DAB1: variants seen among roughly 807,000 people sequenced by gnomAD.
The protein encoded by DAB1 is disabled homolog 1.
Under a neutral mutation model 64.6 loss-of-function variants are expected in DAB1, and 15 were observed. The observed-to-expected ratio is 0.23, with a 90% CI of 0.16 to 0.36. DAB1 has a LOEUF of 0.36. DAB1 is among the 10% of genes least tolerant of loss of function. The probability of loss-of-function intolerance (pLI) is 1.00; values close to 1 mark genes in which losing one functional copy is unlikely to be tolerated. For missense variants in DAB1, 596 were observed against 706.7 expected (o/e 0.84, Z 1.78); for synonymous variants, 235 against 251.9 (o/e 0.93, Z 0.64).
chr1:58,185,558 T>G (rs6699934), intron 4 of DAB1, among the ~76,000 whole-genome samples: 2,209 of 152,038 alleles, frequency 0.015, 54 homozygotes, highest in South Asian at 0.099. Context: ...CCATAGGTTT[T>G]GTTTTGTTTT....
intron 7 of DAB1, among the ~76,000 whole-genome samples, chr1:57,455,838 G>A (rs999506335): frequency 8.5e-5 from 13 of 152,126 alleles, no homozygotes; most frequent in Non-Finnish European, 2.9e-5. Flanking sequence ...AGAGTTGGAA[G>A]AAAACTTGGG....
At chr1:57,724,376 GAAGA>G (rs1444058547) in intron 6 of DAB1, among the ~76,000 whole-genome samples, 1 of 151,798 alleles carries the variant, frequency 6.6e-6, no homozygotes, top group Non-Finnish European at 1.5e-5. Context: ...AGGGAGGCAA[GAAGA>G]AAGGGACAGA....
chr1:57,846,808 C>T (rs1364371082), intron 1 of DAB1, among the ~76,000 whole-genome samples: 3 of 152,218 alleles, frequency 2.0e-5, no homozygotes, highest in South Asian at 4.1e-4. Context: ...AACACATACA[C>T]GTGCACGTGC....
chr1:57,479,473 A>G (rs1643983883), intron 7 of DAB1, among the ~76,000 whole-genome samples: 1 of 149,944 alleles, frequency 6.7e-6, no homozygotes, highest in East Asian at 1.9e-4. Flanking sequence ...ATAAAAATAT[A>G]TAAAACTCTG....
intron 2 of DAB1, among the ~76,000 whole-genome samples, chr1:57,202,299 G>A (rs1251781599): frequency 6.6e-6 from 1 of 152,076 alleles, no homozygotes; most frequent in African/African-American, 2.4e-5. Flanking sequence ...AATACAAGGG[G>A]GTCAGGCTGG....
chr1:57,764,118 G>A (rs1649205601), intron 6 of DAB1, among the ~76,000 whole-genome samples: 1 of 152,116 alleles, frequency 6.6e-6, no homozygotes, highest in South Asian at 2.1e-4. Flanking sequence ...CCAGCCATGG[G>A]TGCCTGAGAC....
At chr1:57,736,444 T>A (rs999553016) in intron 6 of DAB1, among the ~76,000 whole-genome samples, 2 of 152,210 alleles carry the variant, frequency 1.3e-5, no homozygotes, top group African/African-American at 4.8e-5. Flanking sequence ...AATCGCAGCA[T>A]ATGAGAGGAA....
At chr1:57,901,205 A>G (rs1272805054) in intron 5 of DAB1, among the ~76,000 whole-genome samples, 4 of 152,022 alleles carry the variant, frequency 2.6e-5, no homozygotes, top group Non-Finnish European at 4.4e-5. Context: ...TGCTTTTTAC[A>G]TTCTCTTTAT....
At chr1:57,432,255 T>A (rs528322021) in intron 7 of DAB1, among the ~76,000 whole-genome samples, 1 of 152,222 alleles carries the variant, frequency 6.6e-6, no homozygotes, top group Non-Finnish European at 1.5e-5. Context: ...ATATGTGTTG[T>A]CTGCCTCTCT....
At chr1:57,226,670 AAAATATATATAT>A (rs1174418706) in intron 2 of DAB1, among the ~76,000 whole-genome samples, 3 of 119,504 alleles carry the variant, frequency 2.5e-5, no homozygotes, top group African/African-American at 1.2e-4. Context: ...GGTTAAAAAA[AAAATATATATAT>A]ATATATATAT....
chr1:57,549,321 A>T, intron 7 of DAB1, among the ~76,000 whole-genome samples: 1 of 152,260 alleles, frequency 6.6e-6, no homozygotes, highest in Non-Finnish European at 1.5e-5. Context: ...TCTGACACAT[A>T]GTAGGTTTAC....
intron 7 of DAB1, among the ~76,000 whole-genome samples, chr1:57,580,723 C>T (rs142446776): frequency 2.2e-4 from 34 of 152,290 alleles, no homozygotes; most frequent in African/African-American, 7.5e-4. Flanking sequence ...CTACTCGTCA[C>T]GGAGCAACAA....
intron 5 of DAB1, among the ~76,000 whole-genome samples, chr1:57,963,107 C>A (rs1857371): frequency 0.42 from 63,557 of 151,918 alleles, 14,113 homozygotes; most frequent in East Asian, 0.78. Flanking sequence ...CATTCAACCA[C>A]AAATTAAAAT....
At chr1:58,296,205 GAAA>G (rs1661982252) in intron 4 of DAB1, among the ~76,000 whole-genome samples, 4 of 118,112 alleles carry the variant, frequency 3.4e-5, no homozygotes, top group Non-Finnish European at 5.3e-5. Context: ...GAGAAAGAAA[GAAA>G]GAAAGAAAGA....
At chr1:58,466,535 GATGA>G (rs1645297501) in intron 3 of DAB1, among the ~76,000 whole-genome samples, 1 of 152,202 alleles carries the variant, frequency 6.6e-6, no homozygotes. Context: ...CTGGAAGGCA[GATGA>G]ATGGGATACT....
chr1:57,982,110 G>T (rs1315821129), intron 5 of DAB1, among the ~76,000 whole-genome samples: 1 of 152,156 alleles, frequency 6.6e-6, no homozygotes, highest in Non-Finnish European at 1.5e-5. Flanking sequence ...AGGTAATAAG[G>T]TAGGGAAAAT....
chr1:57,673,799 C>A (rs1254233826), intron 6 of DAB1, among the ~76,000 whole-genome samples: 2 of 152,112 alleles, frequency 1.3e-5, no homozygotes, highest in African/African-American at 2.4e-5. Flanking sequence ...CAACCTTAGG[C>A]TTTCTAGTCA....
intron 5 of DAB1, among the ~76,000 whole-genome samples, chr1:57,961,350 C>G (rs572052738): frequency 1.2e-4 from 18 of 151,866 alleles, no homozygotes; most frequent in African/African-American, 3.9e-4. Context: ...AGCTCTTAAC[C>G]TCTAAACTTT....
intron 14 of DAB1, among the ~76,000 whole-genome samples, chr1:57,004,939 T>C (rs1570471234): frequency 6.6e-6 from 1 of 152,200 alleles, no homozygotes; most frequent in East Asian, 1.9e-4. Context: ...TGAGCTCGTA[T>C]AACATGAAGT....
Sources: allele counts gnomAD v4.1 joint callset (sites outside exome capture counted in the v4.1 genomes callset), GRCh38; gene constraint gnomAD v4.1.1; transcripts MANE v1.5; gene names NCBI Gene and HGNC (gene_info 2026-07-23, HGNC 2026-07-21).